The following ITPR1 variants were observed in gnomAD, a reference collection of about 807,000 sequenced individuals.
ITPR1 encodes the protein inositol 1,4,5-trisphosphate receptor type 1.
Under a neutral mutation model 318.4 loss-of-function variants are expected in ITPR1, and 96 were observed. The ratio of observed to expected loss-of-function variants is 0.30; its 90% CI spans 0.26 to 0.36. The LOEUF (loss-of-function observed/expected upper bound fraction) is 0.36, where lower values mean the gene tolerates loss of function less well. Ranked by LOEUF, ITPR1 falls within the 10% of genes least tolerant of loss-of-function variation. The pLI, the probability that ITPR1 is intolerant of heterozygous loss-of-function variation, is 1.00. For synonymous variants in ITPR1, 1,312 were observed against 1,289.9 expected, an observed-to-expected ratio of 1.02 and a Z score of -0.37; for missense variants, 2,440 against 3,460.2, an observed-to-expected ratio of 0.71 and a Z score of 7.40.
intron 52 of ITPR1, 109 bp downstream of exon 52, chr3:4,788,248 T>G: frequency 1.1e-6 from 1 of 872,728 alleles, no homozygotes; most frequent in South Asian, 1.8e-5. Flanking sequence ...CTAGTATCAT[T>G]TATGATACTT....
At chr3:4,785,564 G>A (rs867597325) in intron 51 of ITPR1, among the ~76,000 whole-genome samples, 29 of 89,856 alleles carry the variant, frequency 3.2e-4, no homozygotes, top group Middle Eastern at 5.2e-3. Flanking sequence ...GTGTATGTGA[G>A]CAAATATCTG....
At chr3:4,845,263 T>C (rs2051676877) in intron 61 of ITPR1, among the ~76,000 whole-genome samples, 1 of 152,218 alleles carries the variant, frequency 6.6e-6, no homozygotes, top group Non-Finnish European at 1.5e-5. Flanking sequence ...GAATATATAT[T>C]CCGTATAGCC....
intron 48 of ITPR1, among the ~76,000 whole-genome samples, chr3:4,778,134 G>A (rs1176164308): frequency 6.6e-6 from 1 of 152,200 alleles, no homozygotes; most frequent in East Asian, 1.9e-4. Flanking sequence ...CATTCCTGAT[G>A]TTGACTTCTA....
intron 4 of ITPR1, among the ~76,000 whole-genome samples, chr3:4,587,612 T>C (rs6806554): frequency 0.2 from 30,244 of 152,004 alleles, 4,146 homozygotes; most frequent in East Asian, 0.41. Context: ...GACTGTGCAT[T>C]TTGACTGTAC....
chr3:4,570,042 C>T (rs1406496802), intron 4 of ITPR1, among the ~76,000 whole-genome samples: 5 of 152,086 alleles, frequency 3.3e-5, no homozygotes, highest in Non-Finnish European at 5.9e-5. Flanking sequence ...CTGCCCTTCA[C>T]TTTGGAGAAT....
chr3:4,839,355 G>A (rs1431316677), intron 61 of ITPR1, among the ~76,000 whole-genome samples: 1 of 151,974 alleles, frequency 6.6e-6, no homozygotes, highest in African/African-American at 2.4e-5. Flanking sequence ...AGAGGTATAG[G>A]ACAGTATCCG....
chr3:4,588,800 C>G (rs1364029477), intron 4 of ITPR1, among the ~76,000 whole-genome samples: 3 of 152,156 alleles, frequency 2.0e-5, no homozygotes, highest in Non-Finnish European at 4.4e-5. Context: ...CATCCCTGGT[C>G]TTCCCCATCG....
chr3:4,824,144 C>G (rs1462298584), intron 60 of ITPR1, among the ~76,000 whole-genome samples: 1 of 152,156 alleles, frequency 6.6e-6, no homozygotes, highest in Admixed American at 6.5e-5. Flanking sequence ...CCTGCCCCCC[C>G]ATGGTAGCTA....
chr3:4,730,295 G>T, intron 42 of ITPR1, among the ~76,000 whole-genome samples: 1 of 148,212 alleles, frequency 6.7e-6, no homozygotes, highest in South Asian at 2.1e-4. Flanking sequence ...GTGTGTATGT[G>T]TGTATAGAGA....
intron 46 of ITPR1, among the ~76,000 whole-genome samples, chr3:4,771,914 T>C (rs2046215997): frequency 1.3e-5 from 2 of 151,960 alleles, no homozygotes; most frequent in Admixed American, 1.3e-4. Context: ...ACTAGAGTGC[T>C]CCCTCACCTA....
chr3:4,675,355 C>A, intron 23 of ITPR1, 107 bp downstream of exon 23: 1 of 770,626 alleles, frequency 1.3e-6, no homozygotes, highest in Non-Finnish European at 2.0e-6. Flanking sequence ...TTGTTCATTC[C>A]TTCCCAACTT....
intron 10 of ITPR1, among the ~76,000 whole-genome samples, chr3:4,648,239 G>A (rs567977628): frequency 6.6e-6 from 1 of 151,686 alleles, no homozygotes; most frequent in African/African-American, 2.4e-5. Flanking sequence ...TAAAGTTTTT[G>A]TTAATTCCCA....
rs534313768 is a variant in ITPR1 at position 4,549,259 on chromosome 3, T to C, written c.163+28165T>C. Among the ~76,000 whole-genome samples the C allele has an allele frequency of 7.9e-5, 12 of 152,344 alleles. 1 individual carries two copies. In the South Asian group the frequency reaches 2.5e-3, roughly 32 times the overall value. On this transcript the variant is annotated intron_variant, in intron 4 of 61. Coordinates refer to ENST00000649015, the MANE Select transcript of ITPR1 (RefSeq NM_001378452.1). ...GACAGGGGTATTTAGTAATCATTGT[T>C]TGCATTTTGTCACAGAATGTTTAAA...
intron 38 of ITPR1, 120 bp from the exon 39 acceptor site, chr3:4,711,637 C>T: frequency 1.5e-6 from 1 of 663,240 alleles, no homozygotes; most frequent in Non-Finnish European, 2.7e-6. Context: ...GTATCTTTAA[C>T]CTGAGAGCTC....
chr3:4,765,291 C>T (rs2045742902), intron 44 of ITPR1, among the ~76,000 whole-genome samples: 1 of 151,868 alleles, frequency 6.6e-6, no homozygotes, highest in African/African-American at 2.4e-5. Context: ...TAAAAAGCAA[C>T]CAGAGGTAAA....
intron 4 of ITPR1, among the ~76,000 whole-genome samples, chr3:4,619,659 TGCTCTCCTCTGCTCTC>T (rs1382739484): frequency 6.1e-4 from 2 of 3,256 alleles, no homozygotes; most frequent in African/African-American, 3.2e-3. Context: ...TGCTCTCCCC[TGCTCTCCTCTGCTCTC>T]CCCTGCTCTC....
Sources: gnomAD v4.1 joint callset for allele counts (sites outside exome capture counted in the v4.1 genomes callset) on GRCh38, gnomAD v4.1.1 for gene constraint, MANE v1.5 for transcripts, NCBI Gene and HGNC (gene_info 2026-07-23, HGNC 2026-07-21) for gene names.